Variants in SFMBT1 observed in about 807,000 individuals in gnomAD.
The protein encoded by SFMBT1 is scm-like with four MBT domains protein 1.
SFMBT1 carries 32 observed loss-of-function variants against 108.7 expected under a neutral mutation model. The ratio of observed to expected loss-of-function variants is 0.29; its 90% CI spans 0.22 to 0.40. SFMBT1 has a LOEUF of 0.40. SFMBT1 is among the 10% of genes least tolerant of loss of function. The probability of loss-of-function intolerance (pLI) is 1.00; values close to 1 mark genes in which losing one functional copy is unlikely to be tolerated. For synonymous variants in SFMBT1, 348 were observed against 369.5 expected, an observed-to-expected ratio of 0.94 and a Z score of 0.67; for missense variants, 816 against 1,059.6, an observed-to-expected ratio of 0.77 and a Z score of 3.19.
chr3:52,960,394 G>A (rs1487881628), intron 2 of SFMBT1, among the ~76,000 whole-genome samples: 1 of 152,060 alleles, frequency 6.6e-6, no homozygotes, highest in Non-Finnish European at 1.5e-5. Flanking sequence ...ATGAAAAGAT[G>A]TTCAACATTA....
intron 1 of SFMBT1, among the ~76,000 whole-genome samples, chr3:52,998,513 G>A (rs1416412114): frequency 6.6e-6 from 1 of 150,452 alleles, no homozygotes; most frequent in Non-Finnish European, 1.5e-5. Flanking sequence ...CCATCATGGT[G>A]GTTCCCCTAG....
chr3:53,030,628 G>A (rs1346514702), intron 1 of SFMBT1, among the ~76,000 whole-genome samples: 2 of 145,126 alleles, frequency 1.4e-5, no homozygotes, highest in African/African-American at 5.1e-5. Context: ...AGTTTGGAGA[G>A]GTCCCTTTCA....
intron 4 of SFMBT1, among the ~76,000 whole-genome samples, chr3:52,940,762 CACTA>C (rs1703154621): frequency 6.6e-6 from 1 of 152,066 alleles, no homozygotes; most frequent in African/African-American, 2.4e-5. Flanking sequence ...TCCAACAAGA[CACTA>C]ACTAAAAAGC....
intron 1 of SFMBT1, among the ~76,000 whole-genome samples, chr3:53,000,552 T>C (rs1466159800): frequency 1.3e-5 from 2 of 149,844 alleles, no homozygotes; most frequent in Non-Finnish European, 3.0e-5. Flanking sequence ...GGGGACTATA[T>C]AAATACATAT....
At chr3:52,908,052 A>G (rs1435967502) in intron 17 of SFMBT1, among the ~76,000 whole-genome samples, 1 of 151,486 alleles carries the variant, frequency 6.6e-6, no homozygotes, top group Non-Finnish European at 1.5e-5. Context: ...ACCACACAGT[A>G]AGCACTTTTT....
intron 1 of SFMBT1, among the ~76,000 whole-genome samples, chr3:53,004,284 CTT>C (rs1698665770): frequency 1.5e-5 from 2 of 131,036 alleles, no homozygotes; most frequent in Non-Finnish European, 3.2e-5. Flanking sequence ...CTCCTCCTCT[CTT>C]TCTTTTAGAT....
chr3:52,983,499 C>T (rs563819078), intron 1 of SFMBT1, among the ~76,000 whole-genome samples: 2 of 152,116 alleles, frequency 1.3e-5, no homozygotes, highest in African/African-American at 2.4e-5. Flanking sequence ...GTTCAAGGGT[C>T]AACTATAATA....
At chr3:52,906,522 G>T (rs1702069428) in intron 19 of SFMBT1, among the ~76,000 whole-genome samples, 1 of 152,184 alleles carries the variant, frequency 6.6e-6, no homozygotes, top group South Asian at 2.1e-4. Context: ...AAGAGAAGGG[G>T]ATGATAATTC....
chr3:52,980,177 C>T (rs1704660937), intron 1 of SFMBT1, among the ~76,000 whole-genome samples: 1 of 151,942 alleles, frequency 6.6e-6, no homozygotes, highest in Non-Finnish European at 1.5e-5. Flanking sequence ...GGTGTCATTC[C>T]CAGTCCTGAG....
chr3:52,986,903 G>A (rs1478704518), intron 1 of SFMBT1, among the ~76,000 whole-genome samples: 1 of 152,094 alleles, frequency 6.6e-6, no homozygotes, highest in Admixed American at 6.5e-5. Context: ...TCGTGCCACT[G>A]CTCTCCAGTC....
At chr3:53,017,111 A>T (rs1699151211) in intron 1 of SFMBT1, among the ~76,000 whole-genome samples, 1 of 152,226 alleles carries the variant, frequency 6.6e-6, no homozygotes, top group East Asian at 1.9e-4. Context: ...ACAAATATAC[A>T]GTAATTCTGC....
chr3:52,969,251 T>C lies in SFMBT1; in HGVS notation c.-123A>G, dbSNP rs1704260985. ...TTCAATGGGTATCCACGGGTCCAAA[T>C]GAAAGTGCTGAAAAATGAAAAAGAA... On this transcript the variant is annotated 5_prime_UTR_variant, in exon 2 of 21. Transcript: ENST00000394752. The C allele has an allele frequency of 1.3e-6, 2 of 1,518,770 alleles. No homozygotes were observed. The highest frequency in any genetic ancestry group is 1.8e-4 in the Middle Eastern group (1 of 5,658). 94.1% of individuals were successfully genotyped at this position (1,518,770 alleles called of 1,614,324 possible). A position where few individuals can be genotyped will look rare whatever the true frequency, so the allele number is the denominator to read the frequency against.
At position 52,918,415 on chromosome 3, in the gene SFMBT1, T is replaced by C. The variant is rs1469551239; in HGVS notation, c.1415+69A>G. ...TTCCATCTGAGAAAATGAGGAAATA[T>C]ACCCTCTGAAATAGTTATTTTTCTA... On this transcript the variant is annotated intron_variant, in intron 13 of 20. Coordinates refer to ENST00000394752, the MANE Select transcript of SFMBT1 (RefSeq NM_016329.4). The C allele has an allele frequency of 9.7e-6, 12 of 1,232,290 alleles. No homozygotes were observed. The Admixed American group carries it at 1.3e-4, about 14-fold the overall frequency. 76.3% of individuals were successfully genotyped at this position (1,232,290 alleles called of 1,614,324 possible).
intron 1 of SFMBT1, among the ~76,000 whole-genome samples, chr3:53,040,225 T>G (rs2106974826): frequency 6.6e-6 from 1 of 152,214 alleles, no homozygotes; most frequent in African/African-American, 2.4e-5. Context: ...GAGCAAATAT[T>G]CCATAGTAGC....
At chr3:53,005,355 G>A (rs1698702767) in intron 1 of SFMBT1, among the ~76,000 whole-genome samples, 1 of 152,170 alleles carries the variant, frequency 6.6e-6, no homozygotes, top group Non-Finnish European at 1.5e-5. Context: ...TGTCACCCAG[G>A]CCGAAGTGCA....
At chr3:52,989,359 C>G (rs996605575) in intron 1 of SFMBT1, among the ~76,000 whole-genome samples, 1 of 150,308 alleles carries the variant, frequency 6.7e-6, no homozygotes, top group Non-Finnish European at 1.5e-5. Flanking sequence ...GGTGTGTGAA[C>G]CCGGGAGCCA....
At chr3:53,018,157 G>A (rs1166028092) in intron 1 of SFMBT1, 2 of 152,160 alleles carry the variant, frequency 1.3e-5, no homozygotes, top group Non-Finnish European at 2.9e-5. Context: ...CTTGAACCAG[G>A]GGAGGTGGAG....
intron 5 of SFMBT1, among the ~76,000 whole-genome samples, chr3:52,932,709 G>A (rs1462929207): frequency 6.6e-6 from 1 of 152,056 alleles, no homozygotes; most frequent in Non-Finnish European, 1.5e-5. Context: ...TCAGGAGTTC[G>A]AGACCAGTGT....
intron 1 of SFMBT1, among the ~76,000 whole-genome samples, chr3:53,009,724 C>CT (rs1213402164): frequency 6.6e-6 from 1 of 152,136 alleles, no homozygotes; most frequent in Non-Finnish European, 1.5e-5. Context: ...TACAGCTGAC[C>CT]AGAAGCCTTA....
Sources: gnomAD v4.1 joint callset for allele counts (sites outside exome capture counted in the v4.1 genomes callset) on GRCh38, gnomAD v4.1.1 for gene constraint, MANE v1.5 for transcripts, NCBI Gene and HGNC (gene_info 2026-07-23, HGNC 2026-07-21) for gene names.